IMMP2L: variants seen among roughly 807,000 people sequenced by gnomAD.
IMMP2L encodes mitochondrial inner membrane protease subunit 2.
A neutral mutation model predicts 19.3 loss-of-function variants in IMMP2L; 18 were observed. The ratio of observed to expected loss-of-function variants is 0.93; its 90% CI spans 0.64 to 1.38. IMMP2L has a LOEUF of 1.38. Among genes scored for constraint, IMMP2L ranks in the 40% most tolerant of loss-of-function variants. The pLI is 0.00. For missense variants in IMMP2L, 233 were observed against 218.2 expected, an observed-to-expected ratio of 1.07 and a Z score of -0.43; for synonymous variants, 76 against 73.0, an observed-to-expected ratio of 1.04 and a Z score of -0.21.
intron 5 of IMMP2L, among the ~76,000 whole-genome samples, chr7:110,664,319 T>G (rs552583466): frequency 6.6e-6 from 1 of 151,956 alleles, no homozygotes; most frequent in Non-Finnish European, 1.5e-5. Context: ...GTGGGCTGTC[T>G]CCATGGAGAG....
intron 3 of IMMP2L, among the ~76,000 whole-genome samples, chr7:111,323,226 T>C (rs1400658041): frequency 6.6e-6 from 1 of 151,988 alleles, no homozygotes; most frequent in Admixed American, 6.6e-5. Context: ...GGAGAAAATT[T>C]CTGCAATCTA....
intron 5 of IMMP2L, among the ~76,000 whole-genome samples, chr7:110,843,606 A>G (rs1042571524): frequency 6.6e-6 from 1 of 152,186 alleles, no homozygotes; most frequent in Non-Finnish European, 1.5e-5. Context: ...CCCTGCTATA[A>G]TGCAGAATAA....
At chr7:111,509,870 A>C (rs1236825067) in intron 2 of IMMP2L, among the ~76,000 whole-genome samples, 1 of 152,150 alleles carries the variant, frequency 6.6e-6, no homozygotes, top group Non-Finnish European at 1.5e-5. Context: ...TGTAGGGTTT[A>C]ATTATTCAGG....
At chr7:110,723,774 T>G (rs1298352140) in intron 5 of IMMP2L, among the ~76,000 whole-genome samples, 1 of 151,250 alleles carries the variant, frequency 6.6e-6, no homozygotes, top group Non-Finnish European at 1.5e-5. Context: ...AGATATGCCA[T>G]GTAACCTTCA....
In IMMP2L at chr7:111,252,212, G is replaced by C. The variant is rs186116889; in HGVS notation, c.239+235026C>G. ...TTTGAGTGATTTCAAATGATGCATG[G>C]AGTATTCAGCTGATGGTATGTATGA... is the stretch of plus-strand genomic sequence containing the variant. On this transcript the variant is annotated intron_variant, in intron 3 of 5. Transcript: ENST00000405709. Among the ~76,000 whole-genome samples the C allele has an allele frequency of 8.4e-4, 128 of 151,956 alleles. 1 individual carries two copies. The highest frequency in any genetic ancestry group is 2.5e-4 in the Non-Finnish European group (17 of 67,986).
chr7:110,778,435 T>TA (rs1236734766), intron 5 of IMMP2L, among the ~76,000 whole-genome samples: 1 of 152,020 alleles, frequency 6.6e-6, no homozygotes, highest in African/African-American at 2.4e-5. Flanking sequence ...ATGATGCACG[T>TA]ATTCATCATC....
intron 3 of IMMP2L, among the ~76,000 whole-genome samples, chr7:111,300,206 T>C (rs990322448): frequency 3.9e-5 from 6 of 152,104 alleles, no homozygotes; most frequent in Non-Finnish European, 8.8e-5. Flanking sequence ...TACTTTTAAG[T>C]GCAGAGATTT....
chr7:111,329,659 G>C (rs1037538358), intron 3 of IMMP2L, among the ~76,000 whole-genome samples: 11 of 151,864 alleles, frequency 7.2e-5, no homozygotes, highest in Non-Finnish European at 1.3e-4. Context: ...GGAGAGAAAA[G>C]ACAGCTAAAA....
intron 3 of IMMP2L, among the ~76,000 whole-genome samples, chr7:111,442,535 T>A (rs1837849009): frequency 6.6e-6 from 1 of 151,678 alleles, no homozygotes; most frequent in African/African-American, 2.4e-5. Context: ...CACCCTGAAA[T>A]CAGCCATCAT....
intron 5 of IMMP2L, among the ~76,000 whole-genome samples, chr7:110,740,009 A>C (rs1796894731): frequency 6.6e-6 from 1 of 152,204 alleles, no homozygotes; most frequent in Non-Finnish European, 1.5e-5. Context: ...AGTTCTTTGA[A>C]CTGAACGATA....
intron 5 of IMMP2L, among the ~76,000 whole-genome samples, chr7:110,774,110 A>G (rs1046398969): frequency 3.3e-5 from 5 of 152,084 alleles, no homozygotes; most frequent in Non-Finnish European, 5.9e-5. Context: ...ACATTAAAAT[A>G]TTGTATGGTA....
intron 3 of IMMP2L, among the ~76,000 whole-genome samples, chr7:111,181,385 T>C (rs1028984432): frequency 6.6e-6 from 1 of 152,064 alleles, no homozygotes; most frequent in African/African-American, 2.4e-5. Context: ...TTTGTTTGTT[T>C]AATAGAATGT....
At chr7:111,082,515 A>G (rs1795969226) in intron 3 of IMMP2L, among the ~76,000 whole-genome samples, 1 of 152,194 alleles carries the variant, frequency 6.6e-6, no homozygotes, top group East Asian at 1.9e-4. Flanking sequence ...TGGTTTGAGC[A>G]CTAGACTTCA....
At chr7:111,328,609 C>T (rs974453257) in intron 3 of IMMP2L, among the ~76,000 whole-genome samples, 2 of 151,802 alleles carry the variant, frequency 1.3e-5, no homozygotes, top group African/African-American at 2.4e-5. Context: ...AGGTGTGTTA[C>T]GTCTTAGAGT....
intron 5 of IMMP2L, among the ~76,000 whole-genome samples, chr7:110,869,608 C>T (rs1228288773): frequency 6.6e-6 from 1 of 152,086 alleles, no homozygotes; most frequent in African/African-American, 2.4e-5. Flanking sequence ...GTATTAGTTT[C>T]ATTTGGGGAA....
At chr7:111,125,821 T>C (rs1051782026) in intron 3 of IMMP2L, among the ~76,000 whole-genome samples, 1 of 128,590 alleles carries the variant, frequency 7.8e-6, no homozygotes, top group Non-Finnish European at 1.6e-5. Context: ...CGCTTGCTTT[T>C]TTTTTTTTTT....
intron 1 of IMMP2L, among the ~76,000 whole-genome samples, chr7:111,540,786 T>C (rs184155085): frequency 5.2e-4 from 79 of 152,318 alleles, no homozygotes; most frequent in African/African-American, 1.8e-3. Flanking sequence ...GTTTGTTTAA[T>C]TGTAGATATG....
rs568433770 is a variant in IMMP2L, at chr7:111,205,231, C to T, written c.240-241666G>A. On this transcript the variant is annotated intron_variant, in intron 3 of 5. Transcript: ENST00000405709. ...AGGTCACTAATCCCATTCATGAGAG[C>T]TCTAGCCTTATGACTTAATCACTTC... is the stretch of plus-strand genomic sequence containing the variant. Among the ~76,000 whole-genome samples, 13 of 152,312 alleles carry T rather than the reference C, an allele frequency of 8.5e-5. No individual in the cohort carries two copies. The South Asian group carries it at 2.7e-3, about 32-fold the overall frequency.
At chr7:110,976,255 T>TA (rs547960185) in intron 3 of IMMP2L, among the ~76,000 whole-genome samples, 4,536 of 152,130 alleles carry the variant, frequency 0.03, 105 homozygotes, top group South Asian at 0.058. Context: ...CCTGCACTTA[T>TA]AAAAAAACAA....
Sources: gnomAD v4.1 joint callset for allele counts (sites outside exome capture counted in the v4.1 genomes callset) on GRCh38, gnomAD v4.1.1 for gene constraint, MANE v1.5 for transcripts, NCBI Gene and HGNC (gene_info 2026-07-23, HGNC 2026-07-21) for gene names.